ZSCAN5A: variants seen among roughly 807,000 people sequenced by gnomAD.
ZSCAN5A encodes the protein zinc finger and SCAN domain containing 5A, also known as zinc finger and SCAN domain-containing protein 5A.
In ZSCAN5A, 12 loss-of-function variants were observed where a neutral mutation model predicts 23.7. That is an observed-to-expected ratio of 0.51 (90% CI 0.32 to 0.82). The LOEUF is 0.82. Among genes scored for constraint, ZSCAN5A ranks in the 40% least tolerant of loss-of-function variants. The probability of loss-of-function intolerance (pLI) is 0.03; values close to 1 mark genes in which losing one functional copy is unlikely to be tolerated. For synonymous variants in ZSCAN5A, 257 were observed against 239.9 expected, an observed-to-expected ratio of 1.07 and a Z score of -0.66; for missense variants, 597 against 617.9, an observed-to-expected ratio of 0.97 and a Z score of 0.36.
chr19:56,245,962 C>T (rs573908722), intron 2 of ZSCAN5A, among the ~76,000 whole-genome samples: 2 of 152,072 alleles, frequency 1.3e-5, no homozygotes, highest in South Asian at 4.1e-4. Flanking sequence ...TGATGCAGCC[C>T]CAATGCCAGT....
chr19:56,239,663 A>C (rs1279005100), intron 2 of ZSCAN5A, among the ~76,000 whole-genome samples: 1 of 151,406 alleles, frequency 6.6e-6, no homozygotes, highest in African/African-American at 2.4e-5. Flanking sequence ...AAGAGTTTGA[A>C]AAAGAAAAGT....
chr19:56,260,515 T>G (rs2037051201), intron 2 of ZSCAN5A, among the ~76,000 whole-genome samples: 1 of 151,946 alleles, frequency 6.6e-6, no homozygotes. Context: ...CGCCTGGGCT[T>G]TTTTTTACAT....
At chr19:56,290,738 T>C (rs753195122) in intron 2 of ZSCAN5A, among the ~76,000 whole-genome samples, 3 of 152,194 alleles carry the variant, frequency 2.0e-5, no homozygotes, top group African/African-American at 7.2e-5. Context: ...TTTTACGATA[T>C]TGAATGGAGG....
intron 1 of ZSCAN5A, among the ~76,000 whole-genome samples, chr19:56,364,671 A>G (rs1308627365): frequency 6.6e-6 from 1 of 152,242 alleles, no homozygotes; most frequent in Non-Finnish European, 1.5e-5. Context: ...AAAACTTAAA[A>G]CAAGCTGGAT....
At chr19:56,326,434 T>A (rs2041435077) in intron 2 of ZSCAN5A, among the ~76,000 whole-genome samples, 1 of 152,088 alleles carries the variant, frequency 6.6e-6, no homozygotes, top group South Asian at 2.1e-4. Context: ...CAGTATTTCA[T>A]CTTATAGCTG....
chr19:56,293,187 G>T (rs954144727), intron 2 of ZSCAN5A, among the ~76,000 whole-genome samples: 1 of 152,166 alleles, frequency 6.6e-6, no homozygotes, highest in Admixed American at 6.5e-5. Context: ...TCAAGAGCAC[G>T]TTCTGGGTAC....
At chr19:56,322,699 C>G (rs991457679) in intron 2 of ZSCAN5A, among the ~76,000 whole-genome samples, 2 of 152,112 alleles carry the variant, frequency 1.3e-5, no homozygotes, top group East Asian at 3.8e-4. Context: ...CTAGGATCAT[C>G]TCAGGCACCA....
At chr19:56,282,557 G>A (rs953967784) in intron 2 of ZSCAN5A, 1 of 963,876 alleles carries the variant, frequency 1.0e-6, no homozygotes, top group Non-Finnish European at 1.2e-6. Context: ...GTCCAAAAGG[G>A]ATCATTGCTG....
chr19:56,345,909 A>T (rs2041628724), intron 2 of ZSCAN5A, among the ~76,000 whole-genome samples: 1 of 152,234 alleles, frequency 6.6e-6, no homozygotes, highest in Non-Finnish European at 1.5e-5. Flanking sequence ...ACAATACAAA[A>T]GCAAGCAGTT....
chr19:56,323,049 C>T (rs950087264), intron 2 of ZSCAN5A, among the ~76,000 whole-genome samples: 1 of 151,762 alleles, frequency 6.6e-6, no homozygotes, highest in African/African-American at 2.4e-5. Context: ...TGCCCGCCAC[C>T]ACGCCCGGCT....
intron 2 of ZSCAN5A, among the ~76,000 whole-genome samples, chr19:56,242,195 C>A (rs931986937): frequency 1.3e-5 from 2 of 152,142 alleles, no homozygotes; most frequent in African/African-American, 2.4e-5. Context: ...TCCTCACCAA[C>A]ACTCGTTCCA....
At chr19:56,328,535 A>C (rs2041457514) in intron 2 of ZSCAN5A, among the ~76,000 whole-genome samples, 2 of 151,426 alleles carry the variant, frequency 1.3e-5, no homozygotes, top group African/African-American at 4.9e-5. Context: ...CCAGCTACTT[A>C]GGAGGCTTAG....
chr19:56,325,366 T>A (rs111410289), intron 2 of ZSCAN5A, among the ~76,000 whole-genome samples: 5 of 152,302 alleles, frequency 3.3e-5, no homozygotes, highest in African/African-American at 9.6e-5. Context: ...GGGAGCTCAG[T>A]TCAAGATGAG....
At chr19:56,343,160 C>G in intron 2 of ZSCAN5A, 1 of 723,454 alleles carries the variant, frequency 1.4e-6, no homozygotes, top group Admixed American at 2.0e-5. Flanking sequence ...TATTTCATCT[C>G]TAATTGCTTT....
At chr19:56,246,880 C>T (rs780242799) in intron 2 of ZSCAN5A, 3 of 1,610,194 alleles carry the variant, frequency 1.9e-6, no homozygotes, top group South Asian at 2.2e-5. Flanking sequence ...TCTGAGATGT[C>T]CCAAAAGAAG....
intron 2 of ZSCAN5A, among the ~76,000 whole-genome samples, chr19:56,332,403 T>C (rs1294060681): frequency 6.6e-6 from 1 of 152,204 alleles, no homozygotes; most frequent in African/African-American, 2.4e-5. Flanking sequence ...GTCTTTATCA[T>C]TATGAAATGT....
intron 2 of ZSCAN5A, among the ~76,000 whole-genome samples, chr19:56,303,760 A>G (rs2040497536): frequency 6.6e-6 from 1 of 152,168 alleles, no homozygotes. Flanking sequence ...GAACTAAATC[A>G]GGGTGATATC....
chr19:56,264,489 A>G (rs1344798203), intron 2 of ZSCAN5A, among the ~76,000 whole-genome samples: 3 of 152,220 alleles, frequency 2.0e-5, no homozygotes, highest in Admixed American at 2.0e-4. Flanking sequence ...TATGGAAGTG[A>G]CATCAGATCT....
intron 2 of ZSCAN5A, among the ~76,000 whole-genome samples, chr19:56,308,543 C>T (rs1191203057): frequency 6.6e-6 from 1 of 151,998 alleles, no homozygotes; most frequent in African/African-American, 2.4e-5. Flanking sequence ...AGGCTGGTCT[C>T]GAACTCCTGA....
Sources: allele counts gnomAD v4.1 joint callset (sites outside exome capture counted in the v4.1 genomes callset), GRCh38; gene constraint gnomAD v4.1.1; transcripts MANE v1.5; gene names NCBI Gene and HGNC (gene_info 2026-07-23, HGNC 2026-07-21).